MCTP1: variants seen among roughly 807,000 people sequenced by gnomAD.
MCTP1 encodes the protein multiple C2 and transmembrane domain containing 1.
A neutral mutation model predicts 120.6 loss-of-function variants in MCTP1; 69 were observed. The ratio of observed to expected loss-of-function variants is 0.57; its 90% confidence interval spans 0.47 to 0.70. MCTP1 has a LOEUF of 0.70. Among genes scored for constraint, MCTP1 ranks in the 30% least tolerant of loss-of-function variants. The probability of loss-of-function intolerance (pLI) is 0.00; values close to 1 mark genes in which losing one functional copy is unlikely to be tolerated. For missense variants in MCTP1, 1,203 were observed against 1,248.8 expected (o/e 0.96, Z 0.55); for synonymous variants, 529 against 493.1 (o/e 1.07, Z -0.96).
At chr5:94,729,257 C>T (rs774274782) in intron 19 of MCTP1, among the ~76,000 whole-genome samples, 17 of 152,080 alleles carry the variant, frequency 1.1e-4, no homozygotes, top group Non-Finnish European at 1.6e-4. Context: ...ACATGAGCAA[C>T]GCAGAAAGCC....
intron 1 of MCTP1, among the ~76,000 whole-genome samples, chr5:95,140,620 A>C (rs1444896255): frequency 7.1e-6 from 1 of 139,920 alleles, no homozygotes; most frequent in Non-Finnish European, 1.5e-5. Context: ...GTACTTCGGG[A>C]GGCCGAGGCG....
chr5:95,265,101 C>T (rs536625933), intron 1 of MCTP1, among the ~76,000 whole-genome samples: 1 of 152,132 alleles, frequency 6.6e-6, no homozygotes, highest in Admixed American at 6.5e-5. Context: ...CCGTTCCTAC[C>T]CACCACTCCT....
At chr5:95,099,934 C>T (rs952692031) in intron 1 of MCTP1, among the ~76,000 whole-genome samples, 3 of 151,482 alleles carry the variant, frequency 2.0e-5, no homozygotes, top group East Asian at 3.9e-4. Flanking sequence ...CATGGAATAC[C>T]ATGCAGTCAT....
intron 1 of MCTP1, among the ~76,000 whole-genome samples, chr5:95,167,508 A>C (rs1398168245): frequency 1.3e-5 from 2 of 152,186 alleles, no homozygotes; most frequent in African/African-American, 4.8e-5. Context: ...TGGTCAAACT[A>C]GTTTACAGTC....
At chr5:94,938,045 T>C (rs757789893) in intron 5 of MCTP1, among the ~76,000 whole-genome samples, 1 of 152,044 alleles carries the variant, frequency 6.6e-6, no homozygotes, top group African/African-American at 2.4e-5. Context: ...TTTCCCTCCA[T>C]CTCTACCTCT....
At chr5:95,017,320 TAA>T in intron 2 of MCTP1, 45 bp downstream of exon 2, 1 of 1,180,458 alleles carries the variant, frequency 8.5e-7, no homozygotes, top group Non-Finnish European at 1.2e-6. Flanking sequence ...AAGTTTGTCA[TAA>T]ACACATAAAA....
Position 95,282,994 on chromosome 5 carries a change from G to A in MCTP1, c.720+862C>T, listed in dbSNP as rs556845123. ...ATATTGGGAGAAAAATGTTCTTTAG[G>A]TCTCTGGCAGAGTGAAACTTCCAAA... is the stretch of plus-strand genomic sequence containing the variant. On this transcript the variant is annotated intron_variant, in intron 1 of 22. Coordinates refer to ENST00000515393, the MANE Select transcript of MCTP1 (RefSeq NM_024717.7). Among the ~76,000 whole-genome samples the A allele has an allele frequency of 5.3e-5, 8 of 152,268 alleles. No homozygotes were observed. The East Asian group carries it at 1.5e-3, about 29-fold the overall frequency.
At chr5:95,051,721 T>C (rs1745961343) in intron 1 of MCTP1, among the ~76,000 whole-genome samples, 1 of 152,156 alleles carries the variant, frequency 6.6e-6, no homozygotes, top group South Asian at 2.1e-4. Flanking sequence ...AATGATGAGA[T>C]CATGTCCTTT....
intron 1 of MCTP1, among the ~76,000 whole-genome samples, chr5:95,058,200 T>C (rs539317592): frequency 1.3e-5 from 2 of 152,340 alleles, no homozygotes; most frequent in East Asian, 3.9e-4. Context: ...ACATAAATTA[T>C]TTATGATTGA....
At chr5:94,790,990 G>T (rs1240076433) in intron 18 of MCTP1, among the ~76,000 whole-genome samples, 1 of 151,634 alleles carries the variant, frequency 6.6e-6, no homozygotes, top group Non-Finnish European at 1.5e-5. Context: ...TATTTCAAGC[G>T]GGCCAGGCGC....
At chr5:95,193,588 A>T (rs1750056152) in intron 1 of MCTP1, among the ~76,000 whole-genome samples, 1 of 152,190 alleles carries the variant, frequency 6.6e-6, no homozygotes, top group South Asian at 2.1e-4. Flanking sequence ...AAAAGCTTTT[A>T]TTAGGCAACA....
chr5:94,988,597 G>GTGT (rs1830867064), intron 2 of MCTP1, among the ~76,000 whole-genome samples: 1 of 117,480 alleles, frequency 8.5e-6, no homozygotes, highest in Admixed American at 8.5e-5. Flanking sequence ...CCCTGTGTGT[G>GTGT]TTTTTTTTTT....
chr5:95,270,088 T>C (rs180869329), intron 1 of MCTP1, among the ~76,000 whole-genome samples: 86 of 152,292 alleles, frequency 5.6e-4, no homozygotes, highest in African/African-American at 2.0e-3. Flanking sequence ...AATAATAATA[T>C]CAATAACAAA....
intron 1 of MCTP1, among the ~76,000 whole-genome samples, chr5:95,176,202 C>G (rs1457273948): frequency 6.6e-6 from 1 of 152,054 alleles, no homozygotes; most frequent in East Asian, 1.9e-4. Flanking sequence ...GTATGCCCAG[C>G]ACTATTCTAG....
At chr5:95,230,692 T>C (rs950073501) in intron 1 of MCTP1, among the ~76,000 whole-genome samples, 3 of 152,206 alleles carry the variant, frequency 2.0e-5, no homozygotes, top group Admixed American at 6.5e-5. Flanking sequence ...CCCACATGTT[T>C]AGCGTTCTGA....
chr5:94,799,337 T>G (rs1780715757), intron 17 of MCTP1, among the ~76,000 whole-genome samples: 1 of 152,206 alleles, frequency 6.6e-6, no homozygotes, highest in Non-Finnish European at 1.5e-5. Context: ...ATTTTCAATC[T>G]GTTTAATTTC....
intron 1 of MCTP1, among the ~76,000 whole-genome samples, chr5:95,204,945 A>AGCT: frequency 6.6e-6 from 1 of 152,162 alleles, no homozygotes; most frequent in African/African-American, 2.4e-5. Context: ...TTAACACTCT[A>AGCT]TCAGAATCCC....
rs151188846 is a variant in MCTP1 at position 94,906,284 on chromosome 5, A to C, written c.1652+2967T>G. Among the ~76,000 whole-genome samples the C allele has an allele frequency of 9.0e-3, 1,376 of 152,190 alleles. 18 individuals are homozygous for C. The highest frequency in any genetic ancestry group is 0.03 in the African/African-American group (1,243 of 41,530). On this transcript the variant is annotated intron_variant, in intron 10 of 22. Transcript: ENST00000515393. ...GTGGATTGCTTGAGCTCAGGTCTTC[A>C]AGAACAGCCTTGGCAGCATGGCAAA...
chr5:94,749,861 C>T (rs1767880705), intron 19 of MCTP1, among the ~76,000 whole-genome samples: 1 of 151,976 alleles, frequency 6.6e-6, no homozygotes, highest in African/African-American at 2.4e-5. Context: ...GTTACTATAT[C>T]CACTCCACAC....
Sources: gnomAD v4.1 joint callset for allele counts (sites outside exome capture counted in the v4.1 genomes callset) on GRCh38, gnomAD v4.1.1 for gene constraint, MANE v1.5 for transcripts, NCBI Gene and HGNC (gene_info 2026-07-23, HGNC 2026-07-21) for gene names.